Variants in FCHSD2 observed in about 807,000 individuals in gnomAD.
FCHSD2 encodes F-BAR and double SH3 domains protein 2.
In FCHSD2, 38 loss-of-function variants were observed where a neutral mutation model predicts 108.1. The ratio of observed to expected loss-of-function variants is 0.35; its 90% CI spans 0.27 to 0.46. The LOEUF (loss-of-function observed/expected upper bound fraction) is 0.46, where lower values mean the gene tolerates loss of function less well. Ranked by LOEUF, FCHSD2 falls within the 20% of genes least tolerant of loss-of-function variation. FCHSD2 has a pLI of 1.00. For missense variants in FCHSD2, 751 were observed against 897.8 expected (o/e 0.84, Z 2.09); for synonymous variants, 279 against 314.7 (o/e 0.89, Z 1.20).
At chr11:72,893,892 A>G (rs1038743349) in intron 10 of FCHSD2, among the ~76,000 whole-genome samples, 1 of 152,210 alleles carries the variant, frequency 6.6e-6, no homozygotes, top group Admixed American at 6.5e-5. Flanking sequence ...TCTTTAAGTC[A>G]TCTTAACTAT....
chr11:72,972,374 C>T (rs1337226405), intron 8 of FCHSD2, among the ~76,000 whole-genome samples: 1 of 152,170 alleles, frequency 6.6e-6, no homozygotes, highest in African/African-American at 2.4e-5. Context: ...AAAATCCTGT[C>T]TTAGAACATT....
At chr11:73,045,088 T>C (rs1215726902) in intron 3 of FCHSD2, among the ~76,000 whole-genome samples, 1 of 146,252 alleles carries the variant, frequency 6.8e-6, no homozygotes, top group South Asian at 2.1e-4. Flanking sequence ...AAAAAAAGAA[T>C]GGGGTAAAAG....
intron 2 of FCHSD2, among the ~76,000 whole-genome samples, chr11:73,123,815 T>C (rs974497028): frequency 2.0e-5 from 3 of 152,168 alleles, no homozygotes; most frequent in African/African-American, 4.8e-5. Context: ...GACTCTTACT[T>C]AAAAGGGAAT....
intron 12 of FCHSD2, among the ~76,000 whole-genome samples, chr11:72,883,036 G>A (rs1029419331): frequency 1.3e-5 from 2 of 152,122 alleles, no homozygotes; most frequent in Non-Finnish European, 2.9e-5. Flanking sequence ...TTCAATACGG[G>A]TGCAAAGGTA....
chr11:72,855,806 C>G (rs879833698), intron 13 of FCHSD2, among the ~76,000 whole-genome samples: 1 of 152,038 alleles, frequency 6.6e-6, no homozygotes, highest in Non-Finnish European at 1.5e-5. Context: ...TATGAGCATA[C>G]GTATCTGACA....
At chr11:72,903,784 C>G (rs1855576355) in intron 9 of FCHSD2, among the ~76,000 whole-genome samples, 5 of 152,156 alleles carry the variant, frequency 3.3e-5, no homozygotes, top group Admixed American at 1.3e-4. Context: ...CTCTGTACCT[C>G]TACTTTAGTA....
At chr11:72,877,316 T>G (rs1418175964) in intron 12 of FCHSD2, among the ~76,000 whole-genome samples, 2 of 152,160 alleles carry the variant, frequency 1.3e-5, no homozygotes, top group Non-Finnish European at 2.9e-5. Context: ...CCAAAGGACA[T>G]CCACCTTCAG....
intron 8 of FCHSD2, among the ~76,000 whole-genome samples, chr11:72,969,228 C>T (rs531385725): frequency 2.0e-5 from 3 of 152,294 alleles, no homozygotes; most frequent in South Asian, 2.1e-4. Context: ...TTATGAGAGA[C>T]GGAGCTGCAT....
chr11:72,970,937 C>T (rs1025855277), intron 8 of FCHSD2, among the ~76,000 whole-genome samples: 8 of 152,136 alleles, frequency 5.3e-5, no homozygotes, highest in South Asian at 2.1e-4. Context: ...CTGACAGCCT[C>T]GGGAAGGTCT....
In FCHSD2 at chr11:73,000,974, GAAAT is replaced by G; in HGVS notation, c.387+12_387+15del. 6.3e-7 allele frequency: 1 copy of G among 1,589,502 alleles called. No homozygotes were observed. The highest frequency in any genetic ancestry group is 1.1e-5 in the South Asian group (1 of 87,656). ...GGATATTAAAATGCATATAAGAACA[GAAAT>G]AAAAACAATACCCTTTTTAGTTGCT... is the stretch of plus-strand genomic sequence containing the variant. On this transcript the variant is annotated intron_variant, in intron 5 of 19. Coordinates refer to ENST00000409418, the MANE Select transcript of FCHSD2 (RefSeq NM_014824.3).
chr11:72,947,826 A>T (rs1463046389), intron 8 of FCHSD2, among the ~76,000 whole-genome samples: 1 of 152,222 alleles, frequency 6.6e-6, no homozygotes, highest in Non-Finnish European at 1.5e-5. Flanking sequence ...TAAATATGGG[A>T]ACATTAACTT....
intron 8 of FCHSD2, among the ~76,000 whole-genome samples, chr11:72,978,900 A>G (rs1471467503): frequency 8.1e-6 from 1 of 123,346 alleles, no homozygotes; most frequent in Non-Finnish European, 1.6e-5. Flanking sequence ...TCTGTCACCC[A>G]GGCTGGAGTG....
At chr11:73,131,054 C>G (rs1379036119) in intron 2 of FCHSD2, among the ~76,000 whole-genome samples, 3 of 152,132 alleles carry the variant, frequency 2.0e-5, no homozygotes, top group Non-Finnish European at 4.4e-5. Context: ...AGTCCAGTAC[C>G]TGATCTGCTA....
chr11:73,011,396 G>T (rs7933734), intron 4 of FCHSD2, among the ~76,000 whole-genome samples: 2,411 of 152,242 alleles, frequency 0.016, 61 homozygotes, highest in African/African-American at 0.055. Flanking sequence ...GCTAGCAGGT[G>T]GGGAATACTT....
In FCHSD2 at chr11:72,842,687, T is replaced by C. The variant is rs761869339; in HGVS notation, c.1860A>G (p.Pro620=). The C allele has an allele frequency of 3.1e-6, 5 of 1,613,910 alleles. No individual in the cohort carries two copies. Among genetic ancestry groups the C allele is most frequent in the African/African-American group, 1.3e-5 (1 of 74,926 alleles). The change falls in exon 17 of 20, where the codon CCA becomes CCG. Residue 620 remains proline (P), a synonymous_variant. Transcript: ENST00000409418. The part of the protein sequence containing the change: ...GEFNGRIGVF[P]SVLVEELSAS... ...CTGAAAGTTCTTCCACTAGCACCGA[T>C]GGGAAAACTCCAATACGCCCATTGA...
At chr11:73,087,138 T>C (rs1477781306) in intron 2 of FCHSD2, among the ~76,000 whole-genome samples, 1 of 152,082 alleles carries the variant, frequency 6.6e-6, no homozygotes, top group Non-Finnish European at 1.5e-5. Flanking sequence ...CAGAAGACAA[T>C]AATATTGATG....
At chr11:72,894,817 A>C (rs1053007659) in intron 10 of FCHSD2, among the ~76,000 whole-genome samples, 3 of 152,282 alleles carry the variant, frequency 2.0e-5, no homozygotes, top group African/African-American at 7.2e-5. Flanking sequence ...TTTTTCTTTC[A>C]TATATACATA....
At chr11:72,939,851 T>C (rs1856380173) in intron 8 of FCHSD2, among the ~76,000 whole-genome samples, 1 of 151,912 alleles carries the variant, frequency 6.6e-6, no homozygotes, top group Non-Finnish European at 1.5e-5. Context: ...ACTCCTGACC[T>C]CAAGTGATCT....
At chr11:73,020,594 T>C (rs78724679) in intron 3 of FCHSD2, among the ~76,000 whole-genome samples, 3,229 of 152,258 alleles carry the variant, frequency 0.021, 40 homozygotes, top group Non-Finnish European at 0.032. Flanking sequence ...AAAAGTAATA[T>C]AGAATTTCAC....
Sources: gnomAD v4.1 joint callset for allele counts (sites outside exome capture counted in the v4.1 genomes callset) on GRCh38, gnomAD v4.1.1 for gene constraint, MANE v1.5 for transcripts, NCBI Gene and HGNC (gene_info 2026-07-23, HGNC 2026-07-21) for gene names.